Variants in CLPTM1L observed in about 807,000 individuals in gnomAD.
CLPTM1L encodes the protein CLPTM1 like.
CLPTM1L carries 38 observed loss-of-function variants against 70.9 expected under a neutral mutation model. That is an observed-to-expected ratio of 0.54 (90% CI 0.41 to 0.70). CLPTM1L has a LOEUF of 0.70. Ranked by LOEUF, CLPTM1L falls within the 30% of genes least tolerant of loss-of-function variation. CLPTM1L has a pLI of 0.00. For missense variants in CLPTM1L, 652 were observed against 705.9 expected (o/e 0.92, Z 0.87); for synonymous variants, 339 against 299.9 (o/e 1.13, Z -1.35).
intron 15 of CLPTM1L, among the ~76,000 whole-genome samples, chr5:1,320,978 C>A (rs192532045): frequency 6.6e-6 from 1 of 152,366 alleles, no homozygotes; most frequent in Non-Finnish European, 1.5e-5. Context: ...CATCGGGGAA[C>A]CCAAAGAGAA....
chr5:1,327,435 A>G (rs1391012915), intron 9 of CLPTM1L, among the ~76,000 whole-genome samples: 1 of 144,804 alleles, frequency 6.9e-6, no homozygotes, highest in Non-Finnish European at 1.5e-5. Flanking sequence ...GACATATTTC[A>G]TCCAGCTCCT....
At chr5:1,323,100 C>T (rs1377973679) in intron 12 of CLPTM1L, among the ~76,000 whole-genome samples, 189 bp from the exon 13 acceptor site, 3 of 152,142 alleles carry the variant, frequency 2.0e-5, no homozygotes, top group Non-Finnish European at 4.4e-5. Context: ...GCACCCCCGG[C>T]CGGGCAGCAG....
At chr5:1,319,163 G>A (rs1752001246) in intron 16 of CLPTM1L, among the ~76,000 whole-genome samples, 1 of 152,210 alleles carries the variant, frequency 6.6e-6, no homozygotes, top group African/African-American at 2.4e-5. Flanking sequence ...AGGCGCAGCA[G>A]CGTCCGGGGC....
intron 9 of CLPTM1L, among the ~76,000 whole-genome samples, chr5:1,329,398 TTTGGTGGACAGGGCCTCAGGCCTCTGC>T (rs1269669662): frequency 1.9e-4 from 29 of 152,136 alleles, no homozygotes; most frequent in Non-Finnish European, 3.1e-4. Flanking sequence ...AAACACTCTG[TTTGGTGGACAGGGCCTCAGGCCTCTGC>T]TTGGTGGACA....
intron 16 of CLPTM1L, 83 bp downstream of exon 16, chr5:1,320,533 G>A: frequency 1.5e-6 from 1 of 685,198 alleles, no homozygotes; most frequent in South Asian, 2.2e-5. Flanking sequence ...CAGGCGCAGG[G>A]TGCGGTGAAA....
intron 5 of CLPTM1L, among the ~76,000 whole-genome samples, chr5:1,337,006 G>A (rs541483380): frequency 1.3e-5 from 2 of 152,208 alleles, no homozygotes; most frequent in Admixed American, 1.3e-4. Context: ...CAAAAAAGGG[G>A]AAAGGGCCCG....
intron 8 of CLPTM1L, chr5:1,331,001 C>T (rs1052687423): frequency 1.3e-5 from 2 of 152,908 alleles, no homozygotes; most frequent in African/African-American, 4.8e-5. Context: ...GGCGTCTTTT[C>T]CATGCGAGAA....
intron 1 of CLPTM1L, 36 bp downstream of exon 1, chr5:1,344,644 C>T (rs574258520): frequency 1.3e-6 from 2 of 1,541,528 alleles, no homozygotes; most frequent in East Asian, 2.5e-5. Flanking sequence ...GGCCCCCACC[C>T]CAACCCGCCC....
intron 7 of CLPTM1L, among the ~76,000 whole-genome samples, chr5:1,333,680 C>G (rs1753334412): frequency 1.0e-5 from 1 of 99,394 alleles, no homozygotes; most frequent in African/African-American, 4.2e-5. Context: ...TAAGGGGGGA[C>G]TACTGTAGAC....
intron 9 of CLPTM1L, among the ~76,000 whole-genome samples, chr5:1,329,082 C>T (rs1275864843): frequency 6.6e-6 from 1 of 152,292 alleles, no homozygotes; most frequent in Non-Finnish European, 1.5e-5. Flanking sequence ...AGACCTCAGA[C>T]TCCGGCTCCT....
At position 1,318,408 on chromosome 5, in the gene CLPTM1L, G is replaced by A; in HGVS notation, c.1578C>T (p.Ser526=). 2 of 1,613,870 alleles carry A rather than the reference G, an allele frequency of 1.2e-6. No individual in the cohort carries two copies. Among genetic ancestry groups the A allele is most frequent in the East Asian group, 2.2e-5 (1 of 44,888 alleles). ...DKRRVNEFGE[S]YEEKATRAPH... ...GCGCCCGCGTGGCCTTCTCCTCGTA[G>A]GACTCCCCAAACTCGTTCACTCTGC... The change falls in exon 17 of 17, where the codon TCC becomes TCT. Residue 526 remains serine (S), a synonymous_variant. Transcript: ENST00000320895. This position sits in a 1 kb window ranked among gnomAD's most constrained non-coding sequence, Gnocchi z 8.9.
At chr5:1,341,450 C>T (rs1579656565) in intron 3 of CLPTM1L, among the ~76,000 whole-genome samples, 1 of 152,328 alleles carries the variant, frequency 6.6e-6, no homozygotes, top group Middle Eastern at 3.4e-3. Context: ...TGCCAGCGAT[C>T]ACTTCAACTG....
At chr5:1,325,064 C>A in intron 10 of CLPTM1L, 1 of 576,576 alleles carries the variant, frequency 1.7e-6, no homozygotes, top group East Asian at 2.8e-5. Context: ...GTTCCTTGCT[C>A]AGGTGGCTCA....
intron 3 of CLPTM1L, among the ~76,000 whole-genome samples, chr5:1,340,871 T>C (rs772401071): frequency 2.6e-5 from 4 of 152,160 alleles, no homozygotes; most frequent in Non-Finnish European, 4.4e-5. Flanking sequence ...GTTCAAACGA[T>C]TCTCCTCCCT....
rs1752495064 is a variant in CLPTM1L at position 1,325,808 on chromosome 5, T to C, written c.1089A>G (p.Lys363=). The C allele has an allele frequency of 6.2e-7, 1 of 1,613,680 alleles. No homozygotes were observed. The highest frequency in any genetic ancestry group is 8.5e-7 in the Non-Finnish European group (1 of 1,179,824). The change falls in exon 10 of 17, where the codon AAA becomes AAG. Residue 363 remains lysine, a synonymous_variant. Coordinates refer to ENST00000320895, the MANE Select transcript of CLPTM1L (RefSeq NM_030782.5). Reference sequence around the variant, plus strand: ...TAGTCATCTTCAATGCCTTCTTCACTTTCCACAGCTGAGGGGAGAAATCAG... The same window carrying C: ...TAGTCATCTTCAATGCCTTCTTCACCTTCCACAGCTGAGGGGAGAAATCAG... ...AGVGAAIELW[K]VKKALKMTIF...
chr5:1,332,962 A>C (rs2447853), intron 7 of CLPTM1L, among the ~76,000 whole-genome samples: 1 of 147,574 alleles, frequency 6.8e-6, no homozygotes, highest in Non-Finnish European at 1.5e-5. Context: ...ACTGGATGAG[A>C]ACAAGGGGGG....
chr5:1,339,198 C>G (rs1753784812), intron 3 of CLPTM1L, among the ~76,000 whole-genome samples, 193 bp from the exon 4 acceptor site: 1 of 147,484 alleles, frequency 6.8e-6, no homozygotes, highest in Non-Finnish European at 1.5e-5. Context: ...ACAGCAGGGT[C>G]AGCACCCTAA....
chr5:1,334,143 C>T, intron 7 of CLPTM1L, 146 bp downstream of exon 7: 1 of 572,422 alleles, frequency 1.7e-6, no homozygotes, highest in South Asian at 2.2e-5. Flanking sequence ...GTCAGGCGTG[C>T]TGGCTGCTGA....
chr5:1,325,361 G>GAT, intron 10 of CLPTM1L: 1 of 267,380 alleles, frequency 3.7e-6, no homozygotes, highest in Non-Finnish European at 7.1e-6. Flanking sequence ...CACTGGGGCA[G>GAT]CCACCAGCTC....
Sources: gnomAD v4.1 joint callset for allele counts (sites outside exome capture counted in the v4.1 genomes callset) on GRCh38, gnomAD v4.1.1 for gene constraint, Gnocchi (gnomAD v3.1) non-coding constraint, MANE v1.5 for transcripts, NCBI Gene and HGNC (gene_info 2026-07-23, HGNC 2026-07-21) for gene names.